SP110: variants seen among roughly 807,000 people sequenced by gnomAD.
SP110 encodes the protein SP110 nuclear body protein.
Under a neutral mutation model 92.7 loss-of-function variants are expected in SP110, and 62 were observed. The observed-to-expected ratio is 0.67, with a 90% CI of 0.55 to 0.83. The LOEUF (loss-of-function observed/expected upper bound fraction) is 0.83. SP110 is among the 40% of genes least tolerant of loss of function. The probability of loss-of-function intolerance (pLI) is 0.00; values close to 1 mark genes in which losing one functional copy is unlikely to be tolerated. For synonymous variants in SP110, 273 were observed against 305.3 expected, an observed-to-expected ratio of 0.89 and a Z score of 1.10; for missense variants, 793 against 863.9, an observed-to-expected ratio of 0.92 and a Z score of 1.03.
intron 2 of SP110, among the ~76,000 whole-genome samples, chr2:230,216,291 T>C (rs1381629723): frequency 2.0e-5 from 3 of 152,236 alleles, no homozygotes. Context: ...AAATCATCTT[T>C]GATTAGGGTG....
intron 10 of SP110, 97 bp downstream of exon 10, chr2:230,200,788 A>G: frequency 1.1e-6 from 1 of 909,954 alleles, no homozygotes; most frequent in Non-Finnish European, 1.8e-6. Context: ...AGTAATAATG[A>G]AAAAAAAAAG....
At chr2:230,216,687 C>T in intron 2 of SP110, 94 bp downstream of exon 2, 1 of 1,510,450 alleles carries the variant, frequency 6.6e-7, no homozygotes, top group Non-Finnish European at 9.2e-7. Context: ...GCCTTCCAAA[C>T]TCTGGAAGCC....
intron 10 of SP110, among the ~76,000 whole-genome samples, chr2:230,198,220 CA>C: frequency 6.6e-6 from 1 of 152,330 alleles, no homozygotes; most frequent in East Asian, 1.9e-4. Context: ...CACACTTCCA[CA>C]GGCGGGAAAA....
At chr2:230,214,838 C>T in intron 3 of SP110, 112 bp downstream of exon 3, 5 of 886,522 alleles carry the variant, frequency 5.6e-6, no homozygotes, top group Non-Finnish European at 9.3e-6. Flanking sequence ...TCCATTCCAC[C>T]CCAGAGAGAA....
chr2:230,180,842 G>C (rs958053744), intron 12 of SP110, among the ~76,000 whole-genome samples: 1 of 152,210 alleles, frequency 6.6e-6, no homozygotes. Context: ...GTGTTTGAGA[G>C]TAGGTGCTTT....
At position 230,176,107 on chromosome 2, in the gene SP110, C is replaced by A. The variant is rs191423541; in HGVS notation, c.1590+1431G>T. ...TACAGGTGCATGCCACCATGCCTGG[C>A]TAATTTTTGTATGTTTTGTAAAGAA... is the stretch of plus-strand genomic sequence containing the variant. On this transcript the variant is annotated intron_variant, in intron 14 of 18. Coordinates refer to ENST00000258381, the MANE Select transcript of SP110 (RefSeq NM_080424.4). Among the ~76,000 whole-genome samples the A allele has an allele frequency of 1.2e-4, 18 of 151,964 alleles. No homozygotes were observed. The East Asian group carries it at 3.3e-3, about 28-fold the overall frequency.
At chr2:230,181,617 CAA>C (rs2042130743) in intron 12 of SP110, among the ~76,000 whole-genome samples, 1 of 152,114 alleles carries the variant, frequency 6.6e-6, no homozygotes, top group Non-Finnish European at 1.5e-5. Context: ...AAAAAGCAAA[CAA>C]CACCTTTAAA....
At chr2:230,187,380 G>A (rs759205619) in intron 10 of SP110, among the ~76,000 whole-genome samples, 17 of 151,866 alleles carry the variant, frequency 1.1e-4, no homozygotes, top group Non-Finnish European at 2.1e-4. Context: ...TCTTGTAGAC[G>A]CTGGATATTA....
At chr2:230,189,493 T>A (rs1456447917) in intron 10 of SP110, among the ~76,000 whole-genome samples, 1 of 152,244 alleles carries the variant, frequency 6.6e-6, no homozygotes, top group Admixed American at 6.5e-5. Flanking sequence ...GTTATGGTTT[T>A]GAAAGTTCCT....
chr2:230,176,691 G>T (rs1481039502), intron 14 of SP110: 1 of 1,613,942 alleles, frequency 6.2e-7, no homozygotes, highest in Non-Finnish European at 8.5e-7. Context: ...TCTCTCTTGA[G>T]ATTTATTCTT....
At chr2:230,222,783 AC>A (rs984529866), upstream of SP110, among the ~76,000 whole-genome samples, 2 of 149,926 alleles carry the variant, frequency 1.3e-5, no homozygotes, top group Non-Finnish European at 3.0e-5. Context: ...TAAGGCCAGC[AC>A]CAGGCAACCA....
rs919000549 is a variant in SP110 at position 230,202,469 on chromosome 2, C to T, written c.1048+110G>A. 2.3e-4 allele frequency: 237 copies of T among 1,012,088 alleles called. 3 individuals are homozygous for T. Among genetic ancestry groups the T allele is most frequent in the Admixed American group, 5.4e-4 (27 of 50,152 alleles). 62.7% of individuals were successfully genotyped at this position (1,012,088 alleles called of 1,614,324 possible). On this transcript the variant is annotated intron_variant, in intron 9 of 18. Coordinates refer to ENST00000258381, the MANE Select transcript of SP110 (RefSeq NM_080424.4). ...TTATACCCCATCCTCATTCTCTGTACTTTTTCCTTTTACTATTGACTTTAC... is the reference window on the plus strand; with the variant it reads ...TTATACCCCATCCTCATTCTCTGTATTTTTTCCTTTTACTATTGACTTTAC...
upstream of SP110, chr2:230,221,635 G>A (rs138933115): frequency 5.7e-5 from 79 of 1,388,190 alleles, no homozygotes; most frequent in African/African-American, 3.8e-4. Flanking sequence ...AACATACAGC[G>A]CTGTGATGCA....
intron 3 of SP110, among the ~76,000 whole-genome samples, chr2:230,213,268 TG>T (rs1263816331): frequency 6.6e-6 from 1 of 152,226 alleles, no homozygotes; most frequent in Non-Finnish European, 1.5e-5. Flanking sequence ...AATACCAAAA[TG>T]GTTTCACACA....
At chr2:230,206,682 G>A (rs1199038844) in intron 8 of SP110, among the ~76,000 whole-genome samples, 1 of 135,088 alleles carries the variant, frequency 7.4e-6, no homozygotes, top group Non-Finnish European at 1.5e-5. Context: ...ATATTGTGGG[G>A]AATATAACTT....
Position 230,197,260 on chromosome 2 carries a change from T to C in SP110, c.1129+3625A>G, listed in dbSNP as rs1232647821. The stretch of plus-strand genomic sequence containing the variant: ...CTAACTGGTGTGAGATGGTATCTCA[T>C]TGTGGTTTTGATTTGCATTTCTCTG... On this transcript the variant is annotated intron_variant, in intron 10 of 18. Transcript: ENST00000258381. Among the ~76,000 whole-genome samples, 67 of 150,110 alleles carry C rather than the reference T, an allele frequency of 4.5e-4. No homozygotes were observed. In the East Asian group the frequency reaches 7.8e-3, roughly 17 times the overall value.
rs548240048 is a variant in SP110 at position 230,188,885 on chromosome 2, T to C, written c.1130-2742A>G. 1.6e-4 allele frequency among the ~76,000 whole-genome samples: 25 copies of C among 152,318 alleles called. No homozygotes were observed. The South Asian group carries it at 5.0e-3, about 30-fold the overall frequency. ...GGCTGCTGGATTCAATCTCACTGTT[T>C]GTTATTGGTCTGTTCATGGTTTCTA... On this transcript the variant is annotated intron_variant, in intron 10 of 18. Coordinates refer to ENST00000258381, the MANE Select transcript of SP110 (RefSeq NM_080424.4).
intron 8 of SP110, among the ~76,000 whole-genome samples, chr2:230,204,812 C>T (rs539400902): frequency 3.2e-4 from 49 of 152,084 alleles, no homozygotes; most frequent in East Asian, 2.5e-3. Flanking sequence ...TAAGTCAACA[C>T]GACTGATGAA....
At chr2:230,198,656 A>G (rs1393832739) in intron 10 of SP110, among the ~76,000 whole-genome samples, 2 of 152,004 alleles carry the variant, frequency 1.3e-5, no homozygotes, top group South Asian at 2.1e-4. Context: ...GTGCAGTGGC[A>G]TGATCTTGGC....
Sources: gnomAD v4.1 joint callset for allele counts (sites outside exome capture counted in the v4.1 genomes callset) on GRCh38, gnomAD v4.1.1 for gene constraint, MANE v1.5 for transcripts, NCBI Gene and HGNC (gene_info 2026-07-23, HGNC 2026-07-21) for gene names.